Variants in ARHGAP15 observed in about 807,000 individuals in gnomAD.
ARHGAP15 encodes the protein rho GTPase-activating protein 15.
In ARHGAP15, 51 loss-of-function variants were observed where a neutral mutation model predicts 63.7. The ratio of observed to expected loss-of-function variants is 0.80; its 90% CI spans 0.64 to 1.01. ARHGAP15 has a LOEUF of 1.01. ARHGAP15 is among the 50% of genes least tolerant of loss of function. The probability of loss-of-function intolerance (pLI) is 0.00; values close to 1 mark genes in which losing one functional copy is unlikely to be tolerated. For synonymous variants in ARHGAP15, 191 were observed against 193.8 expected, an observed-to-expected ratio of 0.99 and a Z score of 0.12; for missense variants, 560 against 564.6, an observed-to-expected ratio of 0.99 and a Z score of 0.08.
rs556234964 is a variant in ARHGAP15, at chr2:143,282,900, G to A, written c.474+32300G>A. Among the ~76,000 whole-genome samples, 15 of 152,208 alleles carry A rather than the reference G, an allele frequency of 9.9e-5. 1 individual carries two copies. The South Asian group carries it at 1.9e-3, about 19-fold the overall frequency. ...GTGCTGCCTCCTGTTGGTCTCCCTT[G>A]GCGTTACGCTGTAGCCAGCCCTTCA... On this transcript the variant is annotated intron_variant, in intron 6 of 13. Transcript: ENST00000295095.
At chr2:143,460,720 A>G (rs577818022) in intron 8 of ARHGAP15, among the ~76,000 whole-genome samples, 63 of 152,274 alleles carry the variant, frequency 4.1e-4, no homozygotes, top group Middle Eastern at 3.4e-3. Context: ...ATGCTTTTAA[A>G]CAACATGTAT....
intron 13 of ARHGAP15, among the ~76,000 whole-genome samples, chr2:143,752,591 C>T (rs1686422091): frequency 6.6e-6 from 1 of 152,132 alleles, no homozygotes; most frequent in East Asian, 1.9e-4. Context: ...TCTGGGACCA[C>T]TCATAGAACT....
chr2:143,147,418 CAG>C (rs1689634227), intron 1 of ARHGAP15, among the ~76,000 whole-genome samples: 1 of 152,012 alleles, frequency 6.6e-6, no homozygotes, highest in Non-Finnish European at 1.5e-5. Context: ...ACAGAGGAAA[CAG>C]AGAGAAGATT....
chr2:143,619,291 A>G (rs962463496), intron 11 of ARHGAP15, among the ~76,000 whole-genome samples: 13 of 152,178 alleles, frequency 8.5e-5, no homozygotes, highest in African/African-American at 3.1e-4. Flanking sequence ...ATAAGTTTTT[A>G]CTTAAAAGAT....
Position 143,662,174 on chromosome 2 carries a change from G to C in ARHGAP15, c.1138+37907G>C, listed in dbSNP as rs556198596. Among the ~76,000 whole-genome samples, 9 of 152,302 alleles carry C rather than the reference G, an allele frequency of 5.9e-5. No homozygotes were observed. The East Asian group carries it at 1.2e-3, about 20-fold the overall frequency. ...CAGACTTAAATATGCCTGTCTGACA[G>C]CTTTGAAGAGAGCAGTGGTTCTCCC... On this transcript the variant is annotated intron_variant, in intron 12 of 13. Coordinates refer to ENST00000295095, the MANE Select transcript of ARHGAP15 (RefSeq NM_018460.4).
chr2:143,637,693 A>G (rs1680390248), intron 12 of ARHGAP15, among the ~76,000 whole-genome samples: 1 of 151,946 alleles, frequency 6.6e-6, no homozygotes, highest in South Asian at 2.1e-4. Context: ...AGTTAGAGAT[A>G]AAAATTTACA....
intron 12 of ARHGAP15, among the ~76,000 whole-genome samples, chr2:143,651,790 T>C (rs1681179164): frequency 6.6e-6 from 1 of 152,016 alleles, no homozygotes; most frequent in African/African-American, 2.4e-5. Context: ...TTGTGGTTTG[T>C]ATTTCCATTT....
chr2:143,424,385 T>G (rs1689059274), intron 6 of ARHGAP15, among the ~76,000 whole-genome samples: 1 of 152,090 alleles, frequency 6.6e-6, no homozygotes, highest in South Asian at 2.1e-4. Flanking sequence ...TCTAATTTTT[T>G]TTAAAAAAAT....
intron 11 of ARHGAP15, among the ~76,000 whole-genome samples, chr2:143,572,956 G>A (rs1386812046): frequency 2.0e-5 from 3 of 152,056 alleles, no homozygotes; most frequent in African/African-American, 7.2e-5. Flanking sequence ...TACAAAAATG[G>A]AAATTCATAA....
intron 6 of ARHGAP15, among the ~76,000 whole-genome samples, chr2:143,414,343 G>T (rs568871598): frequency 2.6e-5 from 4 of 151,770 alleles, no homozygotes; most frequent in Non-Finnish European, 5.9e-5. Flanking sequence ...CAAAAAGAGC[G>T]AAAAGAAATT....
At chr2:143,331,206 A>AG (rs1424871128) in intron 6 of ARHGAP15, among the ~76,000 whole-genome samples, 3 of 152,132 alleles carry the variant, frequency 2.0e-5, no homozygotes, top group African/African-American at 7.2e-5. Context: ...ACTACATTTT[A>AG]GCAATATATT....
intron 6 of ARHGAP15, among the ~76,000 whole-genome samples, chr2:143,397,312 A>ATGTGTGTG (rs1378663277): frequency 8.3e-6 from 1 of 120,588 alleles, no homozygotes; most frequent in African/African-American, 3.2e-5. Context: ...AATATGAGAT[A>ATGTGTGTG]TGTATGTGTG....
chr2:143,598,286 A>T (rs561982553), intron 11 of ARHGAP15, among the ~76,000 whole-genome samples: 1 of 152,332 alleles, frequency 6.6e-6, no homozygotes, highest in East Asian at 1.9e-4. Context: ...GTAAAATAAA[A>T]GTCTAGATAC....
At chr2:143,134,917 G>A (rs1259277154) in intron 1 of ARHGAP15, among the ~76,000 whole-genome samples, 2 of 152,130 alleles carry the variant, frequency 1.3e-5, no homozygotes, top group African/African-American at 2.4e-5. Flanking sequence ...GATTACAGGC[G>A]TGAGAGCGCG....
At chr2:143,444,560 C>A (rs1391188806) in intron 8 of ARHGAP15, among the ~76,000 whole-genome samples, 1 of 152,088 alleles carries the variant, frequency 6.6e-6, no homozygotes, top group Non-Finnish European at 1.5e-5. Flanking sequence ...TTGGTCAATT[C>A]CTTTTTGTTT....
At chr2:143,700,901 T>A (rs574030874) in intron 12 of ARHGAP15, among the ~76,000 whole-genome samples, 1 of 152,190 alleles carries the variant, frequency 6.6e-6, no homozygotes, top group South Asian at 2.1e-4. Context: ...AAGCATCACA[T>A]TTTCTTACCA....
At chr2:143,472,563 T>C (rs561867386) in intron 8 of ARHGAP15, among the ~76,000 whole-genome samples, 2 of 152,306 alleles carry the variant, frequency 1.3e-5, no homozygotes, top group Admixed American at 6.5e-5. Context: ...GTTTCTTAAA[T>C]TATTCATATC....
intron 11 of ARHGAP15, among the ~76,000 whole-genome samples, chr2:143,584,960 C>A (rs1311360634): frequency 2.6e-5 from 4 of 152,096 alleles, no homozygotes; most frequent in African/African-American, 9.7e-5. Context: ...TATCTTCGTA[C>A]ATGTATTTTA....
At chr2:143,333,698 CTA>C (rs1465518994) in intron 6 of ARHGAP15, among the ~76,000 whole-genome samples, 1 of 152,038 alleles carries the variant, frequency 6.6e-6, no homozygotes, top group African/African-American at 2.4e-5. Flanking sequence ...ATAGCACCGG[CTA>C]AGAGCAAAAA....
Sources: gnomAD v4.1 joint callset for allele counts (sites outside exome capture counted in the v4.1 genomes callset) on GRCh38, gnomAD v4.1.1 for gene constraint, MANE v1.5 for transcripts, NCBI Gene and HGNC (gene_info 2026-07-23, HGNC 2026-07-21) for gene names.